KCTD21: variants seen among roughly 807,000 people sequenced by gnomAD.
KCTD21 encodes the protein potassium channel tetramerization domain containing 21, also known as BTB/POZ domain-containing protein KCTD21.
KCTD21 carries 9 observed loss-of-function variants against 13.2 expected under a neutral mutation model. That is an observed-to-expected ratio of 0.68 (90% CI 0.41 to 1.19). The LOEUF is 1.19. KCTD21 is among the 50% of genes most tolerant of loss of function. The probability of loss-of-function intolerance (pLI) is 0.01; values close to 1 mark genes in which losing one functional copy is unlikely to be tolerated. For synonymous variants in KCTD21, 142 were observed against 137.4 expected (o/e 1.03, Z -0.23); for missense variants, 303 against 336.5 (o/e 0.90, Z 0.78).
intron 1 of KCTD21, among the ~76,000 whole-genome samples, chr11:78,177,411 GGT>G (rs1013816272): frequency 2.8e-4 from 42 of 152,338 alleles, no homozygotes; most frequent in Non-Finnish European, 1.6e-4. Context: ...GTCCCACAGA[GGT>G]GTGGGCGAGC....
At chr11:78,182,964 G>A (rs1193364552) in intron 1 of KCTD21, among the ~76,000 whole-genome samples, 3 of 152,182 alleles carry the variant, frequency 2.0e-5, no homozygotes, top group African/African-American at 7.2e-5. Flanking sequence ...GGGACTAGCT[G>A]TTGTAACAAT....
At chr11:78,183,940 A>G (rs1381721907) in intron 1 of KCTD21, among the ~76,000 whole-genome samples, 3 of 152,156 alleles carry the variant, frequency 2.0e-5, no homozygotes, top group Non-Finnish European at 4.4e-5. Flanking sequence ...CGGCCAGGAA[A>G]AATTAATTCT....
chr11:78,178,898 C>T (rs1176013511), intron 1 of KCTD21, among the ~76,000 whole-genome samples: 1 of 152,200 alleles, frequency 6.6e-6, no homozygotes, highest in Non-Finnish European at 1.5e-5. Flanking sequence ...CTCTTTGCAA[C>T]CCTCCCACTC....
chr11:78,188,293 T>G, intron 1 of KCTD21: 1 of 913,772 alleles, frequency 1.1e-6, no homozygotes, highest in South Asian at 5.2e-5. Flanking sequence ...CAAGGACTCC[T>G]CCCACAGTCC....
chr11:78,186,813 G>A, intron 1 of KCTD21: 1 of 985,438 alleles, frequency 1.0e-6, no homozygotes, highest in Admixed American at 6.1e-5. Context: ...CTTCTCCTCT[G>A]CATCTGCGGA....
intron 1 of KCTD21, chr11:78,188,139 G>C: frequency 2.0e-6 from 2 of 985,372 alleles, no homozygotes; most frequent in South Asian, 9.4e-5. Context: ...TGTCATCTGT[G>C]TCTCCGCCCT....
chr11:78,173,590 T>A lies in KCTD21; in HGVS notation c.*182A>T, dbSNP rs1862347252. 1 of 618,254 alleles carries A rather than the reference T, an allele frequency of 1.6e-6. No individual in the cohort carries two copies. The highest frequency in any genetic ancestry group is 1.8e-5 in the African/African-American group (1 of 54,668). 38.3% of individuals were successfully genotyped at this position (618,254 alleles called of 1,614,324 possible). ...CTCAAAATGGCAAGAAAAAAGGTGG[T>A]TCTGTTCAGAGGACACTGGATTCCA... is the stretch of plus-strand genomic sequence containing the variant. On this transcript the variant is annotated 3_prime_UTR_variant, in exon 2 of 2. Transcript: ENST00000340067.
chr11:78,184,638 C>T (rs1862720794), intron 1 of KCTD21, among the ~76,000 whole-genome samples: 1 of 152,140 alleles, frequency 6.6e-6, no homozygotes, highest in Non-Finnish European at 1.5e-5. Flanking sequence ...TGCCAAGGGG[C>T]TCTATTTAGA....
chr11:78,188,605 C>G lies in KCTD21; in HGVS notation c.-62G>C. ...CCTCGCTCTGCAGCCTCTCCCTCCG[C>G]GAGCGGCCAGCGCAGCTTTGCGAGG... On this transcript the variant is annotated 5_prime_UTR_variant, in exon 1 of 2. Transcript: ENST00000340067. 1 of 985,510 alleles carries G rather than the reference C, an allele frequency of 1.0e-6. No homozygotes were observed. Among genetic ancestry groups the G allele is most frequent in the Non-Finnish European group, 1.2e-6 (1 of 830,008 alleles). The allele number at this position is 985,510 out of a possible 1,614,324, so 61.0% of individuals were successfully genotyped here. A position where few individuals can be genotyped will look rare whatever the true frequency, so the allele number is the denominator to read the frequency against.
rs368190217 is a variant in KCTD21, at chr11:78,174,083, G to A, written c.472C>T (p.Leu158Phe). The A allele has an allele frequency of 5.6e-6, 9 of 1,614,060 alleles. No individual in the cohort carries two copies. The highest frequency in any genetic ancestry group is 5.3e-5 in the African/African-American group (4 of 74,934). The change falls in exon 2 of 2, where the codon CTC becomes TTC. Residue 158 changes from leucine (L) to phenylalanine (F), a missense_variant. Physicochemically the swap from Leu to Phe is conservative, Grantham distance 22. Coordinates refer to ENST00000340067, the MANE Select transcript of KCTD21 (RefSeq NM_001029859.3). ...CAGTAGAAGAGCTTAGAGCCAAGGA[G>A]CTTGAGGAAGAGGCAGGAGGTGCTG... Reference protein sequence around the residue: ...IFSTSCLFLKLLGSKLFYCSN... With the variant: ...IFSTSCLFLKFLGSKLFYCSN...
chr11:78,172,681 G>C lies in KCTD21; in HGVS notation c.*1091C>G, dbSNP rs1862310412. On this transcript the variant is annotated 3_prime_UTR_variant, in exon 2 of 2. Transcript: ENST00000340067. Reference sequence around the variant, plus strand: ...AGATATATAACTGGGTGAATGGGAAGGTCTGCAACCAAGATCCAGCAAGTG... The same window carrying C: ...AGATATATAACTGGGTGAATGGGAACGTCTGCAACCAAGATCCAGCAAGTG... 2 of 152,198 alleles carry C rather than the reference G, an allele frequency of 1.3e-5. No individual in the cohort carries two copies. Among genetic ancestry groups the C allele is most frequent in the South Asian group, 4.1e-4 (2 of 4,834 alleles). 9.4% of individuals were successfully genotyped at this position (152,198 alleles called of 1,614,324 possible). A position where few individuals can be genotyped will look rare whatever the true frequency, so the allele number is the denominator to read the frequency against.
At chr11:78,187,357 A>G in intron 1 of KCTD21, 1 of 985,374 alleles carries the variant, frequency 1.0e-6, no homozygotes. Context: ...AGGCTGCTCT[A>G]TTACCATCAC....
chr11:78,187,118 T>C (rs969326114), intron 1 of KCTD21: 2 of 985,332 alleles, frequency 2.0e-6, no homozygotes, highest in Admixed American at 6.1e-5. Context: ...CGTAAGGGAA[T>C]GGACAGCACG....
chr11:78,181,328 T>C (rs1006410056), intron 1 of KCTD21, among the ~76,000 whole-genome samples: 1 of 152,192 alleles, frequency 6.6e-6, no homozygotes, highest in African/African-American at 2.4e-5. Flanking sequence ...CTCAGCAATA[T>C]ATAGGAACTA....
chr11:78,186,680 C>T (rs1862784605), intron 1 of KCTD21: 1 of 985,236 alleles, frequency 1.0e-6, no homozygotes. Context: ...TATATACCTA[C>T]TTTACAGACC....
chr11:78,174,487 C>A lies in KCTD21; in HGVS notation c.68G>T (p.Ser23Ile), dbSNP rs1457506566. The A allele has an allele frequency of 6.2e-7, 1 of 1,614,110 alleles. No homozygotes were observed. Among genetic ancestry groups the A allele is most frequent in the South Asian group, 1.1e-5 (1 of 91,064 alleles). ...LYTTSLATLT[S>I]FPDSMLGAMF... ...GGCGCCTAGCATGGAGTCAGGGAAG[C>A]TGGTCAGGGTCGCCAGTGAGGTTGT... The change falls in exon 2 of 2, where the codon AGC (serine) becomes ATC (isoleucine). Residue 23 changes from serine (S) to isoleucine (I), a missense_variant. Coordinates refer to ENST00000340067, the MANE Select transcript of KCTD21 (RefSeq NM_001029859.3).
intron 1 of KCTD21, among the ~76,000 whole-genome samples, chr11:78,180,478 T>C (rs1255599775): frequency 6.6e-6 from 1 of 152,184 alleles, no homozygotes; most frequent in Non-Finnish European, 1.5e-5. Context: ...CTGGCCGACA[T>C]GGTGAAACCC....
chr11:78,174,337 T>TGGGA lies in KCTD21; in HGVS notation c.217_218insTCCC (p.Asp73ValfsTer23). The stretch of plus-strand genomic sequence containing the variant: ...GCGGAGCAGCCCCATCTCCTGGAAG[T>TGGGA]CCTCAGGCAGGTCAAGGTGGGAGGT... On this transcript the variant is annotated frameshift_variant, in exon 2 of 2. Transcript: ENST00000340067. LOFTEE classifies it high-confidence loss of function. The TGGGA allele has an allele frequency of 6.2e-7, 1 of 1,613,894 alleles. No homozygotes were observed. Among genetic ancestry groups the TGGGA allele is most frequent in the East Asian group, 2.2e-5 (1 of 44,856 alleles).
chr11:78,186,215 G>GA (rs561964193), intron 1 of KCTD21, among the ~76,000 whole-genome samples: 131 of 143,114 alleles, frequency 9.2e-4, no homozygotes, highest in South Asian at 6.7e-3. Flanking sequence ...TTTCTATAGA[G>GA]AAAAAAAAAA....
Sources: allele counts gnomAD v4.1 joint callset (sites outside exome capture counted in the v4.1 genomes callset), GRCh38; gene constraint gnomAD v4.1.1; transcripts MANE v1.5; gene names NCBI Gene and HGNC (gene_info 2026-07-23, HGNC 2026-07-21).